The following EEFSEC variants were observed in gnomAD, a reference collection of about 807,000 sequenced individuals.
EEFSEC encodes the protein selenocysteine-specific elongation factor.
A neutral mutation model predicts 42.1 loss-of-function variants in EEFSEC; 43 were observed. The observed-to-expected ratio is 1.02, with a 90% CI of 0.80 to 1.32. The LOEUF (loss-of-function observed/expected upper bound fraction) is 1.32, where lower values mean the gene tolerates loss of function less well. EEFSEC is among the 40% of genes most tolerant of loss of function. The pLI is 0.00. For missense variants in EEFSEC, 745 were observed against 803.6 expected (o/e 0.93, Z 0.88); for synonymous variants, 354 against 339.1 (o/e 1.04, Z -0.48).
intron 6 of EEFSEC, among the ~76,000 whole-genome samples, chr3:128,370,222 G>A (rs1377532981): frequency 1.3e-5 from 2 of 152,146 alleles, no homozygotes; most frequent in Admixed American, 6.5e-5. Context: ...AGGTGATTTC[G>A]GGGCCTTAGT....
the EEFSEC span, among the ~76,000 whole-genome samples, chr3:128,422,652 G>A: frequency 6.6e-6 from 1 of 152,238 alleles, no homozygotes; most frequent in Non-Finnish European, 1.5e-5. Context: ...CCAATCATTG[G>A]ACCAAAGTTT....
chr3:128,175,564 G>A (rs766492832), intron 1 of EEFSEC, among the ~76,000 whole-genome samples: 7 of 152,198 alleles, frequency 4.6e-5, no homozygotes, highest in Non-Finnish European at 8.8e-5. Context: ...AGATGCTGAG[G>A]GAGTTCTCTA....
At chr3:128,155,881 A>G (rs1319991406) in intron 1 of EEFSEC, among the ~76,000 whole-genome samples, 3 of 152,232 alleles carry the variant, frequency 2.0e-5, no homozygotes, top group Admixed American at 6.5e-5. Flanking sequence ...GGGTCACACT[A>G]TCTAAAGTCT....
chr3:128,329,171 T>G lies in EEFSEC; in HGVS notation c.787-12062T>G, dbSNP rs762532604. ...AGGGAGAGCGAGGCCCAGGCTCAGC[T>G]GCTGGGCAGCTTCCCTGGGGCCCCT... On this transcript the variant is annotated intron_variant, in intron 4 of 6. Coordinates refer to ENST00000254730, the MANE Select transcript of EEFSEC (RefSeq NM_021937.5). Among the ~76,000 whole-genome samples, 130 of 152,302 alleles carry G rather than the reference T, an allele frequency of 8.5e-4. No homozygotes were observed. The Middle Eastern group carries it at 0.01, about 12-fold the overall frequency.
intron 1 of EEFSEC, among the ~76,000 whole-genome samples, chr3:128,209,875 ACAG>A (rs1343285124): frequency 5.9e-5 from 9 of 152,236 alleles, no homozygotes; most frequent in African/African-American, 2.2e-4. Context: ...AAAGAAATGG[ACAG>A]ATAACCAAAA....
the EEFSEC span, among the ~76,000 whole-genome samples, chr3:128,417,128 A>G: frequency 6.6e-6 from 1 of 151,950 alleles, no homozygotes; most frequent in Non-Finnish European, 1.5e-5. This position sits in a 1 kb window ranked among gnomAD's most constrained non-coding sequence, Gnocchi z 4.3. Context: ...TGCTTGGACC[A>G]TCACAATTGC....
At chr3:128,370,865 C>T (rs950453840) in intron 6 of EEFSEC, among the ~76,000 whole-genome samples, 10 of 152,144 alleles carry the variant, frequency 6.6e-5, no homozygotes, top group African/African-American at 2.2e-4. Context: ...GAAGTTTTAC[C>T]GATGCAGTGA....
chr3:128,395,851 G>A (rs1171996886), intron 6 of EEFSEC, among the ~76,000 whole-genome samples: 4 of 152,192 alleles, frequency 2.6e-5, no homozygotes, highest in Admixed American at 6.5e-5. Flanking sequence ...TTTACCAAGC[G>A]CTTCCTGGAG....
rs143060687 is a variant in EEFSEC, at chr3:128,240,118, G to A, written c.317-6718G>A. On this transcript the variant is annotated intron_variant, in intron 1 of 6. Transcript: ENST00000254730. ...CACAGGCACTGTGCAGGGCCTGGTC[G>A]TGACCGCCCTCCTTCTCTCCTCCCC... Among the ~76,000 whole-genome samples, 236 of 152,340 alleles carry A rather than the reference G, an allele frequency of 1.5e-3. 1 individual carries two copies. Among genetic ancestry groups the A allele is most frequent in the African/African-American group, 5.2e-3 (216 of 41,578 alleles).
chr3:128,254,657 C>T (rs2066223427), intron 2 of EEFSEC, among the ~76,000 whole-genome samples: 2 of 152,144 alleles, frequency 1.3e-5, no homozygotes, highest in African/African-American at 4.8e-5. Flanking sequence ...TTTAAAAATG[C>T]AGATACCCAG....
intron 1 of EEFSEC, among the ~76,000 whole-genome samples, chr3:128,167,544 C>T (rs1442891847): frequency 1.3e-5 from 2 of 152,258 alleles, no homozygotes; most frequent in Non-Finnish European, 2.9e-5. Context: ...CCTCATATTT[C>T]ATTTTCAGGC....
downstream of EEFSEC, among the ~76,000 whole-genome samples, chr3:128,410,247 G>A (rs1388830680): frequency 1.3e-5 from 2 of 152,210 alleles, no homozygotes; most frequent in African/African-American, 4.8e-5. Context: ...TGAGCTGGGA[G>A]CCAGGCCACA....
chr3:128,394,486 A>ATT (rs35454237), intron 6 of EEFSEC, among the ~76,000 whole-genome samples: 42 of 151,046 alleles, frequency 2.8e-4, no homozygotes, highest in South Asian at 1.9e-3. Context: ...TAATATGTGG[A>ATT]TTTTTTTTTT....
chr3:128,233,065 C>T (rs1319765994), intron 1 of EEFSEC, among the ~76,000 whole-genome samples: 1 of 152,218 alleles, frequency 6.6e-6, no homozygotes, highest in Non-Finnish European at 1.5e-5. Context: ...CATTAATGCT[C>T]TGGCTTAGCA....
chr3:128,176,911 A>G (rs965326826), intron 1 of EEFSEC, among the ~76,000 whole-genome samples: 6 of 151,972 alleles, frequency 3.9e-5, no homozygotes, highest in African/African-American at 1.4e-4. Context: ...ATGACACTCC[A>G]TTGCCAGCTA....
Position 128,302,512 on chromosome 3 carries a change from T to A in EEFSEC, c.786+37731T>A, listed in dbSNP as rs1429638968. Among the ~76,000 whole-genome samples, 9 of 152,250 alleles carry A rather than the reference T, an allele frequency of 5.9e-5. No homozygotes were observed. In the South Asian group the frequency reaches 1.9e-3, roughly 32 times the overall value. Reference sequence around the variant, plus strand: ...AGAAATAAATATCCTAAAACAATTATTTTTTTAAAAAAGTTTGGCTTATAA... The same window carrying A: ...AGAAATAAATATCCTAAAACAATTAATTTTTTAAAAAAGTTTGGCTTATAA... On this transcript the variant is annotated intron_variant, in intron 4 of 6. Transcript: ENST00000254730.
chr3:128,198,420 A>T (rs62271748), intron 1 of EEFSEC, among the ~76,000 whole-genome samples: 61 of 152,294 alleles, frequency 4.0e-4, no homozygotes, highest in Non-Finnish European at 7.5e-4. Flanking sequence ...CCAAGAAAGG[A>T]TCTTCACCCC....
chr3:128,210,208 G>C (rs2065742035), intron 1 of EEFSEC, among the ~76,000 whole-genome samples: 3 of 152,214 alleles, frequency 2.0e-5, no homozygotes, highest in Admixed American at 2.0e-4. Flanking sequence ...GGCAGGACTG[G>C]GGGACAAACA....
At chr3:128,240,329 A>G (rs184468214) in intron 1 of EEFSEC, among the ~76,000 whole-genome samples, 3 of 152,254 alleles carry the variant, frequency 2.0e-5, no homozygotes, top group East Asian at 3.9e-4. Flanking sequence ...GTCTCTCCTA[A>G]TCTTCTGCAG....
Sources: allele counts gnomAD v4.1 joint callset (sites outside exome capture counted in the v4.1 genomes callset), GRCh38; gene constraint gnomAD v4.1.1; non-coding constraint Gnocchi (gnomAD v3.1); transcripts MANE v1.5; gene names NCBI Gene and HGNC (gene_info 2026-07-23, HGNC 2026-07-21).